The following ZFP62 variants were observed in gnomAD, a reference collection of about 807,000 sequenced individuals.
ZFP62 encodes ZFP62 zinc finger protein, also known as zinc finger protein 62 homolog.
In ZFP62, 44 loss-of-function variants were observed where a neutral mutation model predicts 56.4. The observed-to-expected ratio is 0.78, with a 90% confidence interval of 0.61 to 1.00. ZFP62 has a LOEUF of 1.00. Ranked by LOEUF, ZFP62 falls within the 50% of genes least tolerant of loss-of-function variation. The pLI is 0.00. For synonymous variants in ZFP62, 421 were observed against 388.9 expected (o/e 1.08, Z -0.97); for missense variants, 1,030 against 1,085.7 (o/e 0.95, Z 0.72).
At position 180,849,926 on chromosome 5, in the gene ZFP62, A is replaced by G. The variant is rs1773600480; in HGVS notation, c.1569T>C (p.His523=). 6.4e-7 allele frequency: 1 copy of G among 1,551,460 alleles called. No homozygotes were observed. The highest frequency in any genetic ancestry group is 1.7e-4 in the Middle Eastern group (1 of 5,988). ...SFNYSSALEQ[H]KRIHTREKPF... is the part of the protein sequence containing the mutation. ...GTTTTTCCCTGGTATGAATCCTTTTATGCTGTTCAAGGGCAGAGCTGTAGT... is the reference window on the plus strand; with the variant it reads ...GTTTTTCCCTGGTATGAATCCTTTTGTGCTGTTCAAGGGCAGAGCTGTAGT... The change falls in exon 2 of 2, where the codon CAT becomes CAC. Residue 523 remains histidine, a synonymous_variant. Coordinates refer to ENST00000502412, the MANE Select transcript of ZFP62 (RefSeq NM_001172638.2).
At chr5:180,858,090 TAAAA>T (rs35177299) in intron 1 of ZFP62, among the ~76,000 whole-genome samples, 3 of 127,744 alleles carry the variant, frequency 2.3e-5, no homozygotes, top group Admixed American at 7.9e-5. Flanking sequence ...CCATCTCTAC[TAAAA>T]AAAAAAAAAA....
At chr5:180,830,241 C>T in the ZFP62 span, 2 of 152,256 alleles carry the variant, frequency 1.3e-5, no homozygotes, top group African/African-American at 4.8e-5. Flanking sequence ...TCTGTTACTG[C>T]AGAGTTTGGG....
the ZFP62 span, chr5:180,831,140 T>C: frequency 6.5e-6 from 1 of 153,846 alleles, no homozygotes; most frequent in Non-Finnish European, 1.4e-5. Context: ...CTCGCGGGGG[T>C]GGACGGGTCG....
the ZFP62 span, among the ~76,000 whole-genome samples, chr5:180,839,860 G>A: frequency 5.9e-5 from 9 of 152,174 alleles, no homozygotes; most frequent in Non-Finnish European, 1.2e-4. Context: ...CAGCGCCAAG[G>A]ACAGCTTCAC....
At chr5:180,858,913 G>A (rs2121116) in intron 1 of ZFP62, among the ~76,000 whole-genome samples, 58,559 of 152,136 alleles carry the variant, frequency 0.38, 13,688 homozygotes, top group Non-Finnish European at 0.53. Context: ...AAAAGCGTCA[G>A]ACATAGAACG....
chr5:180,852,509 G>A (rs796723072), intron 1 of ZFP62, among the ~76,000 whole-genome samples: 12 of 146,974 alleles, frequency 8.2e-5, no homozygotes, highest in South Asian at 2.1e-4. Context: ...AGCCGAGATC[G>A]TTCCACTGCA....
At chr5:180,827,607 G>T in the ZFP62 span, among the ~76,000 whole-genome samples, 2 of 152,206 alleles carry the variant, frequency 1.3e-5, no homozygotes, top group African/African-American at 4.8e-5. Flanking sequence ...ATTGTCCAAG[G>T]TTTCTCCCCA....
the ZFP62 span, among the ~76,000 whole-genome samples, chr5:180,837,161 C>T: frequency 2.0e-5 from 3 of 152,204 alleles, no homozygotes; most frequent in East Asian, 5.8e-4. Context: ...CATGAAACAG[C>T]TTGCAAAGCA....
chr5:180,851,519 C>T, intron 1 of ZFP62, 26 bp from the exon 2 acceptor site: 1 of 1,491,092 alleles, frequency 6.7e-7, no homozygotes, highest in Non-Finnish European at 8.9e-7. Flanking sequence ...GAAAAGGACA[C>T]CTATTCACTC....
At position 180,848,844 on chromosome 5, in the gene ZFP62, G is replaced by A. The variant is rs972883870; in HGVS notation, c.2651C>T (p.Thr884Ile). 3 of 1,549,430 alleles carry A rather than the reference G, an allele frequency of 1.9e-6. No homozygotes were observed. Among genetic ancestry groups the A allele is most frequent in the Non-Finnish European group, 2.6e-6 (3 of 1,145,160 alleles). Residue 884 changes from threonine to isoleucine, a missense_variant, in exon 2 of 2, where the codon ACC becomes ATC. By Grantham distance (89) the Thr-to-Ile change is moderately conservative (BLOSUM62 -1). Transcript: ENST00000502412. ...GSYSGTSQKR[T>I]YEGGNALDGG... ...ATCCAGGGCATTCCCTCCCTCATAG[G>A]TTCTCTTCTGGGATGTGCCACTATA... is the stretch of plus-strand genomic sequence containing the variant.
chr5:180,836,868 A>T, the ZFP62 span, among the ~76,000 whole-genome samples: 1 of 152,246 alleles, frequency 6.6e-6, no homozygotes, highest in Non-Finnish European at 1.5e-5. Flanking sequence ...TTCCTGTAAG[A>T]ATACATTTTA....
At chr5:180,831,477 T>C in the ZFP62 span, 7 of 151,634 alleles carry the variant, frequency 4.6e-5, no homozygotes, top group African/African-American at 1.7e-4. Context: ...AATGGCGCCG[T>C]CTCGGCTCCC....
rs1773549498 is a variant in ZFP62 at position 180,849,308 on chromosome 5, G to A, written c.2187C>T (p.Phe729=). ...AAGATTTCCCACACTCAACACACTT[G>A]AAGGGTTTCTCCCCAAGATGGACTC... ...HKRVHLGEKP[F]KCVECGKSFS... Residue 729 remains phenylalanine (F), a synonymous_variant, in exon 2 of 2, where the codon TTC becomes TTT. Transcript: ENST00000502412. The A allele has an allele frequency of 6.4e-7, 1 of 1,552,186 alleles. No individual in the cohort carries two copies. Among genetic ancestry groups the A allele is most frequent in the South Asian group, 1.2e-5 (1 of 84,062 alleles).
chr5:180,831,010 G>C, the ZFP62 span: 1 of 152,574 alleles, frequency 6.6e-6, no homozygotes, highest in Non-Finnish European at 1.5e-5. Context: ...TTCGTGCGCC[G>C]GCTGGAGCGA....
chr5:180,857,049 C>T (rs556292511), intron 1 of ZFP62, among the ~76,000 whole-genome samples: 16 of 150,294 alleles, frequency 1.1e-4, no homozygotes, highest in Middle Eastern at 3.5e-3. Flanking sequence ...GAGAAGAGTG[C>T]CAAGGGAAGA....
the ZFP62 span, among the ~76,000 whole-genome samples, chr5:180,829,542 T>C: frequency 9.2e-5 from 14 of 152,222 alleles, no homozygotes; most frequent in African/African-American, 3.1e-4. Context: ...CCAACATTTA[T>C]GGAAAATAGA....
Position 180,850,794 on chromosome 5 carries a change from A to G in ZFP62, c.701T>C (p.Phe234Ser). Residue 234 changes from phenylalanine (F) to serine (S), a missense_variant, in exon 2 of 2, where the codon TTC becomes TCC. Coordinates refer to ENST00000502412, the MANE Select transcript of ZFP62 (RefSeq NM_001172638.2). ...NCKCDECGKS[F>S]NYSSVLDQHK... The stretch of plus-strand genomic sequence containing the variant: ...CTGGTCCAGAACAGAGCTATAATTG[A>G]AGGATTTTCCACATTCATCACATTT... The G allele has an allele frequency of 6.3e-7, 1 of 1,584,646 alleles. No individual in the cohort carries two copies. The highest frequency in any genetic ancestry group is 8.6e-7 in the Non-Finnish European group (1 of 1,165,126).
downstream of ZFP62, among the ~76,000 whole-genome samples, chr5:180,844,227 G>C (rs941855003): frequency 6.6e-6 from 1 of 152,178 alleles, no homozygotes; most frequent in African/African-American, 2.4e-5. Flanking sequence ...ATAAAGTACA[G>C]AGCATTTTTA....
At chr5:180,838,416 A>T in the ZFP62 span, among the ~76,000 whole-genome samples, 5 of 152,234 alleles carry the variant, frequency 3.3e-5, no homozygotes. Flanking sequence ...AGGAGACTAA[A>T]AAGATGCAAC....
Sources: allele counts gnomAD v4.1 joint callset (sites outside exome capture counted in the v4.1 genomes callset), GRCh38; gene constraint gnomAD v4.1.1; transcripts MANE v1.5; gene names NCBI Gene and HGNC (gene_info 2026-07-23, HGNC 2026-07-21).